The following NUP93 variants were observed in gnomAD, a reference collection of about 807,000 sequenced individuals.
NUP93 encodes nuclear pore complex protein Nup93.
A neutral mutation model predicts 107.8 loss-of-function variants in NUP93; 55 were observed. The ratio of observed to expected loss-of-function variants is 0.51; its 90% CI spans 0.41 to 0.64. The LOEUF is 0.64. Among genes scored for constraint, NUP93 ranks in the 30% least tolerant of loss-of-function variants. The pLI is 0.00. For missense variants in NUP93, 937 were observed against 1,044.7 expected, an observed-to-expected ratio of 0.90 and a Z score of 1.42; for synonymous variants, 390 against 397.5, an observed-to-expected ratio of 0.98 and a Z score of 0.22.
At chr16:56,788,448 G>C (rs1162302809) in intron 3 of NUP93, among the ~76,000 whole-genome samples, 3 of 152,216 alleles carry the variant, frequency 2.0e-5, no homozygotes, top group African/African-American at 7.2e-5. Context: ...TTGGAGAAGA[G>C]GGAGGTTCTG....
intron 19 of NUP93, 25 bp from the exon 20 acceptor site, chr16:56,839,496 T>C (rs1361286744): frequency 6.3e-7 from 1 of 1,580,860 alleles, no homozygotes; most frequent in African/African-American, 1.4e-5. Context: ...TTGTGTTACA[T>C]GGGGCCGGTG....
intron 3 of NUP93, among the ~76,000 whole-genome samples, chr16:56,793,052 A>G (rs1230538082): frequency 1.3e-5 from 2 of 152,162 alleles, no homozygotes; most frequent in African/African-American, 2.4e-5. Context: ...CTGTTCTTTC[A>G]TATTGTTAAA....
Position 56,805,493 on chromosome 16 carries a change from C to T in NUP93, c.361-11C>T. 6.2e-7 allele frequency: 1 copy of T among 1,613,468 alleles called. No individual in the cohort carries two copies. Among genetic ancestry groups the T allele is most frequent in the Non-Finnish European group, 8.5e-7 (1 of 1,179,650 alleles). On this transcript the variant is annotated splice_polypyrimidine_tract_variant and intron_variant, in intron 4 of 21. Coordinates refer to ENST00000308159, the MANE Select transcript of NUP93 (RefSeq NM_014669.5). ...TCCTGAGGGTCATTGTTCTCTGTTC[C>T]TTTCTGGCAGACCTTCGGCATGGCT... is the stretch of plus-strand genomic sequence containing the variant.
intron 3 of NUP93, among the ~76,000 whole-genome samples, chr16:56,766,462 A>G (rs2144494778): frequency 6.6e-6 from 1 of 152,344 alleles, no homozygotes; most frequent in South Asian, 2.1e-4. Flanking sequence ...TGGCATCTAT[A>G]AATTGCTCGG....
chr16:56,743,700 A>C (rs1478476532), intron 1 of NUP93, among the ~76,000 whole-genome samples: 2 of 152,194 alleles, frequency 1.3e-5, no homozygotes, highest in Non-Finnish European at 2.9e-5. Flanking sequence ...GGTTAGATCA[A>C]AAAACTGAAA....
At chr16:56,773,811 A>G (rs936031445) in intron 3 of NUP93, among the ~76,000 whole-genome samples, 5 of 152,222 alleles carry the variant, frequency 3.3e-5, no homozygotes, top group African/African-American at 4.8e-5. Flanking sequence ...CCTGTGGACT[A>G]ATACTGAATT....
At chr16:56,759,768 G>A (rs1211633611) in intron 3 of NUP93, among the ~76,000 whole-genome samples, 1 of 152,046 alleles carries the variant, frequency 6.6e-6, no homozygotes. Flanking sequence ...TAACAGGGAT[G>A]AATAATCACC....
At chr16:56,755,998 C>A (rs1458047582) in intron 2 of NUP93, among the ~76,000 whole-genome samples, 3 of 152,114 alleles carry the variant, frequency 2.0e-5, no homozygotes, top group African/African-American at 7.2e-5. Context: ...TCTCTAGAGC[C>A]CAGGAGTTTG....
chr16:56,758,615 C>G lies in NUP93; in HGVS notation c.257C>G (p.Thr86Ser). ...TTGGAGAGTCTGAGTGCAGCCACCA[C>G]CTTTGAGCCTCTTGAGCCTGTGAAG... ...QRLESLSAAT[T>S]FEPLEPVKDT... Residue 86 changes from threonine to serine, a missense_variant, in exon 3 of 22, where the codon ACC becomes AGC. Transcript: ENST00000308159. 1 of 1,613,880 alleles carries G rather than the reference C, an allele frequency of 6.2e-7. No homozygotes were observed. Among genetic ancestry groups the G allele is most frequent in the Non-Finnish European group, 8.5e-7 (1 of 1,179,842 alleles).
At chr16:56,756,266 G>T (rs1377201469) in intron 2 of NUP93, among the ~76,000 whole-genome samples, 2 of 143,382 alleles carry the variant, frequency 1.4e-5, no homozygotes, top group Non-Finnish European at 3.0e-5. Context: ...CATGCGTTAG[G>T]TATTTGTCCT....
chr16:56,734,741 G>A (rs1215876886), intron 1 of NUP93, among the ~76,000 whole-genome samples: 1 of 152,116 alleles, frequency 6.6e-6, no homozygotes, highest in Non-Finnish European at 1.5e-5. Context: ...GCTAATGTAG[G>A]GTATAAGAGG....
intron 3 of NUP93, among the ~76,000 whole-genome samples, chr16:56,790,390 A>C (rs1391496478): frequency 1.3e-5 from 2 of 152,342 alleles, no homozygotes; most frequent in South Asian, 4.1e-4. Flanking sequence ...CTTTATCAGT[A>C]ATGAACATCT....
At chr16:56,777,684 C>T (rs540657338) in intron 3 of NUP93, among the ~76,000 whole-genome samples, 1 of 152,334 alleles carries the variant, frequency 6.6e-6, no homozygotes, top group Non-Finnish European at 1.5e-5. Context: ...CCCCGAACTT[C>T]CGTGGCTGTA....
At chr16:56,834,337 G>A in intron 14 of NUP93, 33 bp from the exon 15 acceptor site, 1 of 1,614,046 alleles carries the variant, frequency 6.2e-7, no homozygotes, top group Non-Finnish European at 8.5e-7. Flanking sequence ...CTCATGTCCA[G>A]ACTGGAAACT....
At chr16:56,809,450 A>T (rs1963264346) in intron 5 of NUP93, among the ~76,000 whole-genome samples, 1 of 152,220 alleles carries the variant, frequency 6.6e-6, no homozygotes. Flanking sequence ...GTGAAGATTT[A>T]AAATTACGTT....
At chr16:56,734,208 G>C (rs1961576413) in intron 1 of NUP93, among the ~76,000 whole-genome samples, 1 of 152,224 alleles carries the variant, frequency 6.6e-6, no homozygotes, top group Non-Finnish European at 1.5e-5. Flanking sequence ...GGCTGCTTTA[G>C]CTGGGGTGTG....
chr16:56,826,664 C>T (rs1963666711), intron 8 of NUP93, among the ~76,000 whole-genome samples: 1 of 151,900 alleles, frequency 6.6e-6, no homozygotes, highest in Non-Finnish European at 1.5e-5. Context: ...AGGGGAGGAC[C>T]CGTATACCAT....
At chr16:56,732,978 A>C (rs1471506133) in intron 1 of NUP93, among the ~76,000 whole-genome samples, 1 of 152,180 alleles carries the variant, frequency 6.6e-6, no homozygotes, top group Non-Finnish European at 1.5e-5. Flanking sequence ...TAGAAGATTC[A>C]GAGTAGTGTG....
intron 1 of NUP93, among the ~76,000 whole-genome samples, chr16:56,738,789 A>G (rs1030737741): frequency 5.9e-5 from 9 of 152,178 alleles, no homozygotes; most frequent in Non-Finnish European, 8.8e-5. Context: ...TAAACTTTTG[A>G]TACCTTGGGT....
Sources: gnomAD v4.1 joint callset for allele counts (sites outside exome capture counted in the v4.1 genomes callset) on GRCh38, gnomAD v4.1.1 for gene constraint, MANE v1.5 for transcripts, NCBI Gene and HGNC (gene_info 2026-07-23, HGNC 2026-07-21) for gene names.